The following DLGAP1 variants were observed in gnomAD, a reference collection of about 807,000 sequenced individuals.
DLGAP1 encodes the protein DLG associated protein 1.
DLGAP1 carries 11 observed loss-of-function variants against 90.8 expected under a neutral mutation model. The ratio of observed to expected loss-of-function variants is 0.12; its 90% CI spans 0.08 to 0.20. The LOEUF (loss-of-function observed/expected upper bound fraction) is 0.20. Among genes scored for constraint, DLGAP1 ranks in the 10% least tolerant of loss-of-function variants. DLGAP1 has a pLI of 1.00. For synonymous variants in DLGAP1, 558 were observed against 540.7 expected (o/e 1.03, Z -0.44); for missense variants, 1,050 against 1,333.8 (o/e 0.79, Z 3.31).
In DLGAP1 at chr18:3,499,950, G is replaced by A. The variant is rs2049842893; in HGVS notation, c.2725-556C>T. Among the ~76,000 whole-genome samples the A allele has an allele frequency of 6.6e-6, 1 of 152,138 alleles. No individual in the cohort carries two copies. Among genetic ancestry groups the A allele is most frequent in the Admixed American group, 6.5e-5 (1 of 15,276 alleles). On this transcript the variant is annotated intron_variant, in intron 12 of 12. Coordinates refer to ENST00000315677, the MANE Select transcript of DLGAP1 (RefSeq NM_004746.4). This position sits in a 1 kb window ranked among gnomAD's most constrained non-coding sequence, Gnocchi z 6.4. Reference sequence around the variant, plus strand: ...GATTGTGTTCTTTAGCTTTGTTGGTGCTACACCAGGTTAGACCCTTTTGCA... The same window carrying A: ...GATTGTGTTCTTTAGCTTTGTTGGTACTACACCAGGTTAGACCCTTTTGCA...
chr18:3,542,302 C>A (rs1257908150), intron 9 of DLGAP1, among the ~76,000 whole-genome samples: 1 of 152,176 alleles, frequency 6.6e-6, no homozygotes, highest in Admixed American at 6.5e-5. Flanking sequence ...TCTGAACACA[C>A]AAAGCTTGCT....
intron 2 of DLGAP1, among the ~76,000 whole-genome samples, chr18:4,054,698 T>G (rs577755036): frequency 6.6e-6 from 1 of 152,214 alleles, no homozygotes; most frequent in Admixed American, 6.5e-5. Flanking sequence ...ATGCTACAGG[T>G]GCTAATCTAA....
At chr18:4,247,534 C>T (rs566232259) in intron 1 of DLGAP1, among the ~76,000 whole-genome samples, 8 of 152,136 alleles carry the variant, frequency 5.3e-5, no homozygotes, top group Admixed American at 2.0e-4. Flanking sequence ...CCAGCACTTT[C>T]GGAGGCCGAG....
At chr18:4,400,160 C>T (rs9958635) in intron 1 of DLGAP1, among the ~76,000 whole-genome samples, 7 of 151,974 alleles carry the variant, frequency 4.6e-5, no homozygotes, top group Admixed American at 1.3e-4. Context: ...ACCTGCAGCA[C>T]GCCCCTGAGC....
intron 1 of DLGAP1, among the ~76,000 whole-genome samples, chr18:4,164,471 G>C (rs2076899929): frequency 6.6e-6 from 1 of 152,138 alleles, no homozygotes; most frequent in Admixed American, 6.5e-5. Flanking sequence ...CCTGAGGTCA[G>C]GAGTTTGAGA....
At chr18:3,980,811 G>C (rs761721924) in intron 3 of DLGAP1, among the ~76,000 whole-genome samples, 40 of 152,122 alleles carry the variant, frequency 2.6e-4, no homozygotes, top group African/African-American at 8.7e-4. Context: ...ATGCATACAC[G>C]TATCATATAT....
chr18:3,813,745 T>A (rs779581018), intron 5 of DLGAP1, among the ~76,000 whole-genome samples: 13 of 152,080 alleles, frequency 8.5e-5, no homozygotes, highest in Non-Finnish European at 1.9e-4. Flanking sequence ...ATATTCTCAT[T>A]GACCAGAAAT....
At chr18:3,626,512 T>C (rs2058300052) in intron 7 of DLGAP1, among the ~76,000 whole-genome samples, 1 of 150,168 alleles carries the variant, frequency 6.7e-6, no homozygotes, top group South Asian at 2.1e-4. Context: ...GAGGATCACT[T>C]GAATGTGGGG....
intron 2 of DLGAP1, among the ~76,000 whole-genome samples, chr18:4,028,168 G>C (rs971816826): frequency 5.3e-5 from 8 of 152,302 alleles, no homozygotes; most frequent in African/African-American, 1.9e-4. Flanking sequence ...TTATTGCAAA[G>C]ACAATCTGAG....
chr18:3,798,041 T>A (rs1372273307), intron 5 of DLGAP1, among the ~76,000 whole-genome samples: 1 of 152,220 alleles, frequency 6.6e-6, no homozygotes, highest in Non-Finnish European at 1.5e-5. Context: ...CCCAGCCACA[T>A]GGAACTGTGA....
chr18:4,164,060 C>A (rs1418269237), intron 1 of DLGAP1, among the ~76,000 whole-genome samples: 1 of 152,000 alleles, frequency 6.6e-6, no homozygotes, highest in African/African-American at 2.4e-5. Flanking sequence ...ATGAATCCAG[C>A]AGACCAAAAT....
chr18:3,958,642 C>A (rs1313686802), intron 3 of DLGAP1, among the ~76,000 whole-genome samples: 1 of 135,868 alleles, frequency 7.4e-6, no homozygotes. Flanking sequence ...AAAAAAAAGG[C>A]TTTGTGGCAG....
At chr18:4,050,522 T>G (rs1224327676) in intron 2 of DLGAP1, among the ~76,000 whole-genome samples, 1 of 152,314 alleles carries the variant, frequency 6.6e-6, no homozygotes, top group East Asian at 1.9e-4. Context: ...GAAACTAAAA[T>G]TAAGCTTTAT....
intron 1 of DLGAP1, chr18:4,294,296 C>G (rs1422219467): frequency 6.6e-6 from 1 of 152,278 alleles, no homozygotes; most frequent in Non-Finnish European, 1.5e-5. Context: ...ACTTATCCTT[C>G]TGGATACAAC....
intron 1 of DLGAP1, among the ~76,000 whole-genome samples, chr18:4,205,735 C>G (rs1302128107): frequency 6.6e-6 from 1 of 152,232 alleles, no homozygotes; most frequent in Non-Finnish European, 1.5e-5. Context: ...TCAATAGCCA[C>G]ATGTGACTCA....
At chr18:4,247,792 C>T (rs1459591042) in intron 1 of DLGAP1, among the ~76,000 whole-genome samples, 1 of 151,956 alleles carries the variant, frequency 6.6e-6, no homozygotes, top group Non-Finnish European at 1.5e-5. Flanking sequence ...AAAAGTTATC[C>T]CATATATTTT....
chr18:4,005,499 CCCAGTTCAA>C (rs1450426719), intron 2 of DLGAP1, among the ~76,000 whole-genome samples: 4 of 152,150 alleles, frequency 2.6e-5, no homozygotes, highest in Non-Finnish European at 5.9e-5. Flanking sequence ...AATATATTTA[CCCAGTTCAA>C]TTATTTATTC....
At chr18:3,576,221 C>T (rs568364697) in intron 8 of DLGAP1, among the ~76,000 whole-genome samples, 1 of 151,892 alleles carries the variant, frequency 6.6e-6, no homozygotes, top group East Asian at 1.9e-4. Context: ...TCTGGCATCA[C>T]TCTTGCATGT....
intron 2 of DLGAP1, among the ~76,000 whole-genome samples, chr18:4,089,881 T>TA (rs777232302): frequency 1.3e-5 from 2 of 152,068 alleles, no homozygotes; most frequent in South Asian, 2.1e-4. Flanking sequence ...CCGTCTCTAC[T>TA]AAAAACACAA....
Sources: gnomAD v4.1 joint callset for allele counts (sites outside exome capture counted in the v4.1 genomes callset) on GRCh38, gnomAD v4.1.1 for gene constraint, Gnocchi (gnomAD v3.1) non-coding constraint, MANE v1.5 for transcripts, NCBI Gene and HGNC (gene_info 2026-07-23, HGNC 2026-07-21) for gene names.